DNAJC1: variants seen among roughly 807,000 people sequenced by gnomAD.
DNAJC1 encodes the protein dnaJ homolog subfamily C member 1.
DNAJC1 carries 58 observed loss-of-function variants against 76.6 expected under a neutral mutation model. That is an observed-to-expected ratio of 0.76 (90% confidence interval 0.61 to 0.94). The LOEUF (loss-of-function observed/expected upper bound fraction) is 0.94. Among genes scored for constraint, DNAJC1 ranks in the 40% least tolerant of loss-of-function variants. The pLI is 0.00. For synonymous variants in DNAJC1, 258 were observed against 267.9 expected, an observed-to-expected ratio of 0.96 and a Z score of 0.36; for missense variants, 689 against 677.3, an observed-to-expected ratio of 1.02 and a Z score of -0.19.
Position 21,918,766 on chromosome 10 carries a change from A to G in DNAJC1, c.729+13T>C. ...TAAAAGATCTAATGTTATATAAAAG[A>G]GGTACATTTTACCTGGATGAGGTGA... is the stretch of plus-strand genomic sequence containing the variant. On this transcript the variant is annotated intron_variant, in intron 6 of 11. Coordinates refer to ENST00000376980, the MANE Select transcript of DNAJC1 (RefSeq NM_022365.4). The G allele has an allele frequency of 6.3e-7, 1 of 1,581,108 alleles. No homozygotes were observed. The highest frequency in any genetic ancestry group is 8.7e-7 in the Non-Finnish European group (1 of 1,150,280).
At chr10:21,950,363 A>G (rs1837572813) in intron 1 of DNAJC1, among the ~76,000 whole-genome samples, 1 of 152,204 alleles carries the variant, frequency 6.6e-6, no homozygotes, top group Non-Finnish European at 1.5e-5. Context: ...GTCACGAACC[A>G]TGTCTATATA....
chr10:21,991,250 C>CA (rs945269908), intron 1 of DNAJC1, among the ~76,000 whole-genome samples: 33 of 152,112 alleles, frequency 2.2e-4, no homozygotes, highest in African/African-American at 7.7e-4. Flanking sequence ...ATTTCCTGGT[C>CA]AAAATATCAC....
Position 21,907,835 on chromosome 10 carries a change from A to G in DNAJC1, c.730-3223T>C, listed in dbSNP as rs148752923. Among the ~76,000 whole-genome samples the G allele has an allele frequency of 7.3e-5, 11 of 150,314 alleles. No homozygotes were observed. In the East Asian group the frequency reaches 2.2e-3, roughly 30 times the overall value. On this transcript the variant is annotated intron_variant, in intron 6 of 11. Transcript: ENST00000376980. ...GTACTAAAAATACAAAAAATTAGCC[A>G]GGTGTGGTGGCAGGCACCTGTAATC...
intron 8 of DNAJC1, among the ~76,000 whole-genome samples, chr10:21,827,270 T>C (rs554088442): frequency 1.2e-4 from 19 of 152,294 alleles, no homozygotes; most frequent in African/African-American, 4.6e-4. Context: ...ATATAATTTG[T>C]ATCATGCTAT....
At chr10:21,902,461 T>C (rs1836673598) in intron 7 of DNAJC1, among the ~76,000 whole-genome samples, 1 of 152,016 alleles carries the variant, frequency 6.6e-6, no homozygotes, top group South Asian at 2.1e-4. Context: ...CACACCACCA[T>C]GCCCAGCTAA....
At position 21,950,411 on chromosome 10, in the gene DNAJC1, T is replaced by G. The variant is rs889686454; in HGVS notation, c.223-21270A>C. ...TAATCAATAAATGTTGTATGTGTTC[T>G]GACTGATCCGACGACCAGCTGTACC... On this transcript the variant is annotated intron_variant, in intron 1 of 11. Transcript: ENST00000376980. Among the ~76,000 whole-genome samples, 4 of 152,328 alleles carry G rather than the reference T, an allele frequency of 2.6e-5. No individual in the cohort carries two copies. In the East Asian group the frequency reaches 7.7e-4, roughly 29 times the overall value.
chr10:21,852,556 GAAAAAAGACATACAA>G (rs1835772854), intron 8 of DNAJC1, among the ~76,000 whole-genome samples: 2 of 152,044 alleles, frequency 1.3e-5, no homozygotes, highest in African/African-American at 4.8e-5. Context: ...AAGCTAAAAT[GAAAAAAGACATACAA>G]TATCAAGTGT....
At chr10:21,859,060 A>C (rs931532462) in intron 8 of DNAJC1, among the ~76,000 whole-genome samples, 1 of 152,210 alleles carries the variant, frequency 6.6e-6, no homozygotes, top group African/African-American at 2.4e-5. Context: ...AATTTCATCT[A>C]ATCCTCCCAC....
At chr10:21,852,299 T>G (rs1002983902) in intron 8 of DNAJC1, among the ~76,000 whole-genome samples, 1 of 152,106 alleles carries the variant, frequency 6.6e-6, no homozygotes, top group Non-Finnish European at 1.5e-5. Context: ...TGCAGACTGG[T>G]GGTTGTCACG....
chr10:21,785,885 A>AT (rs1234802463), intron 9 of DNAJC1, among the ~76,000 whole-genome samples: 1 of 152,250 alleles, frequency 6.6e-6, no homozygotes, highest in Admixed American at 6.5e-5. Flanking sequence ...AGTGATATCT[A>AT]TAACTAGTAT....
chr10:21,991,265 G>C (rs1443434596), intron 1 of DNAJC1, among the ~76,000 whole-genome samples: 1 of 151,998 alleles, frequency 6.6e-6, no homozygotes, highest in Non-Finnish European at 1.5e-5. Flanking sequence ...TATCACTAAC[G>C]ACCTAATATA....
At chr10:21,875,358 G>T (rs1836169381) in intron 8 of DNAJC1, among the ~76,000 whole-genome samples, 1 of 152,066 alleles carries the variant, frequency 6.6e-6, no homozygotes, top group Non-Finnish European at 1.5e-5. Flanking sequence ...GTCTTCCTAG[G>T]TTTCCCTGGC....
At chr10:21,842,255 A>T (rs570381793) in intron 8 of DNAJC1, among the ~76,000 whole-genome samples, 5 of 143,008 alleles carry the variant, frequency 3.5e-5, no homozygotes, top group African/African-American at 1.1e-4. Context: ...AATAAGAATT[A>T]AAAAAAAAAA....
At chr10:21,777,963 G>A (rs1294528168) in intron 9 of DNAJC1, among the ~76,000 whole-genome samples, 2 of 152,202 alleles carry the variant, frequency 1.3e-5, no homozygotes, top group Non-Finnish European at 1.5e-5. Context: ...CAAGGCGGGT[G>A]GATCACCTGA....
chr10:21,976,070 A>G (rs1315109934), intron 1 of DNAJC1, among the ~76,000 whole-genome samples: 1 of 152,228 alleles, frequency 6.6e-6, no homozygotes, highest in Non-Finnish European at 1.5e-5. Flanking sequence ...CTTTATCTAT[A>G]TTACAGTTTA....
intron 8 of DNAJC1, among the ~76,000 whole-genome samples, chr10:21,862,202 G>C (rs901117952): frequency 6.6e-6 from 1 of 152,070 alleles, no homozygotes; most frequent in Non-Finnish European, 1.5e-5. Flanking sequence ...ACAGGCGTGA[G>C]CCACCGCACC....
chr10:21,927,952 A>G (rs1189612669), intron 3 of DNAJC1, among the ~76,000 whole-genome samples: 1 of 152,224 alleles, frequency 6.6e-6, no homozygotes, highest in East Asian at 1.9e-4. Context: ...GAATTGCCGG[A>G]GCAGAGTAAA....
chr10:21,999,852 T>C (rs765933128), intron 1 of DNAJC1, among the ~76,000 whole-genome samples: 1 of 152,182 alleles, frequency 6.6e-6, no homozygotes, highest in Non-Finnish European at 1.5e-5. Context: ...TCCAGTTTTG[T>C]GGCTTCAAGT....
chr10:21,805,879 C>T (rs925499544), intron 9 of DNAJC1, 101 bp downstream of exon 9: 136 of 1,477,730 alleles, frequency 9.2e-5, no homozygotes, highest in Non-Finnish European at 1.2e-4. Flanking sequence ...TTGTTGTATC[C>T]CCTCCCCAAA....
Sources: allele counts gnomAD v4.1 joint callset (sites outside exome capture counted in the v4.1 genomes callset), GRCh38; gene constraint gnomAD v4.1.1; transcripts MANE v1.5; gene names NCBI Gene and HGNC (gene_info 2026-07-23, HGNC 2026-07-21).